CDH13: variants seen among roughly 807,000 people sequenced by gnomAD.
The protein encoded by CDH13 is cadherin 13.
In CDH13, 24 loss-of-function variants were observed where a neutral mutation model predicts 63.8. The ratio of observed to expected loss-of-function variants is 0.38; its 90% CI spans 0.27 to 0.53. CDH13 has a LOEUF of 0.53. Among genes scored for constraint, CDH13 ranks in the 20% least tolerant of loss-of-function variants. CDH13 has a pLI of 0.85. For missense variants in CDH13, 1,049 were observed against 903.1 expected, an observed-to-expected ratio of 1.16 and a Z score of -2.07; for synonymous variants, 503 against 355.3, an observed-to-expected ratio of 1.42 and a Z score of -4.67.
chr16:82,979,310 G>C (rs1909947875), intron 2 of CDH13, among the ~76,000 whole-genome samples: 1 of 152,192 alleles, frequency 6.6e-6, no homozygotes, highest in Non-Finnish European at 1.5e-5. Flanking sequence ...GGACTGTTGG[G>C]AGGGCAGAAT....
chr16:82,977,474 G>C (rs1909676079), intron 2 of CDH13, among the ~76,000 whole-genome samples: 1 of 152,186 alleles, frequency 6.6e-6, no homozygotes, highest in African/African-American at 2.4e-5. Flanking sequence ...AATTATGAGT[G>C]AGTTCTCACG....
chr16:82,978,952 G>A (rs968903885), intron 2 of CDH13, among the ~76,000 whole-genome samples: 2 of 152,180 alleles, frequency 1.3e-5, no homozygotes, highest in African/African-American at 4.8e-5. Context: ...CCGGGAGGGG[G>A]GTTGTACCCT....
At chr16:82,898,832 G>A (rs999444956) in intron 2 of CDH13, among the ~76,000 whole-genome samples, 10 of 151,994 alleles carry the variant, frequency 6.6e-5, no homozygotes, top group Admixed American at 2.6e-4. Context: ...CTCAAGTTGG[G>A]TTTTCTAGGA....
chr16:83,546,152 T>TA (rs1320190568), intron 7 of CDH13, among the ~76,000 whole-genome samples: 1 of 152,182 alleles, frequency 6.6e-6, no homozygotes, highest in Non-Finnish European at 1.5e-5. Flanking sequence ...AGGTTTGGGC[T>TA]AAAACCTGCA....
At chr16:83,554,078 A>G (rs1486599946) in intron 7 of CDH13, among the ~76,000 whole-genome samples, 1 of 152,236 alleles carries the variant, frequency 6.6e-6, no homozygotes, top group Non-Finnish European at 1.5e-5. Context: ...TGATCATTTT[A>G]GGAGGTTATA....
At chr16:83,648,625 C>T (rs1912065854) in intron 8 of CDH13, among the ~76,000 whole-genome samples, 1 of 152,182 alleles carries the variant, frequency 6.6e-6, no homozygotes, top group Non-Finnish European at 1.5e-5. Context: ...TTTCTACTGA[C>T]ACCGACCCCC....
chr16:83,131,786 C>T (rs190978847), intron 4 of CDH13, among the ~76,000 whole-genome samples: 4 of 152,228 alleles, frequency 2.6e-5, no homozygotes, highest in Admixed American at 2.6e-4. Flanking sequence ...TTTAAAGACC[C>T]TATAAATTGG....
chr16:82,718,277 C>G (rs749974261), intron 1 of CDH13, among the ~76,000 whole-genome samples: 1 of 152,212 alleles, frequency 6.6e-6, no homozygotes, highest in South Asian at 2.1e-4. Context: ...TCTACCAACT[C>G]CCCTTCTATT....
chr16:83,757,179 TCAAAAA>T (rs1222778890), intron 11 of CDH13, among the ~76,000 whole-genome samples: 8 of 152,076 alleles, frequency 5.3e-5, no homozygotes, highest in African/African-American at 1.9e-4. Context: ...TAACTCATAA[TCAAAAA>T]CAAAAATAGA....
intron 5 of CDH13, among the ~76,000 whole-genome samples, chr16:83,266,913 C>T (rs910013569): frequency 2.0e-5 from 3 of 152,202 alleles, no homozygotes; most frequent in African/African-American, 7.2e-5. Flanking sequence ...GTTACCTCTA[C>T]CTCTCAGCTG....
At chr16:83,382,712 G>A (rs2091592487) in intron 6 of CDH13, among the ~76,000 whole-genome samples, 1 of 152,142 alleles carries the variant, frequency 6.6e-6, no homozygotes. Context: ...TTCTGCAACA[G>A]TGAGAAATCT....
chr16:83,093,179 C>G (rs890885944), intron 3 of CDH13, among the ~76,000 whole-genome samples: 1 of 152,000 alleles, frequency 6.6e-6, no homozygotes, highest in African/African-American at 2.4e-5. Flanking sequence ...TCTTCATTCC[C>G]TACTCAGTTT....
At chr16:82,703,206 T>TACACAC (rs34528218) in intron 1 of CDH13, among the ~76,000 whole-genome samples, 2 of 149,418 alleles carry the variant, frequency 1.3e-5, no homozygotes, top group Admixed American at 6.7e-5. Context: ...GGATGTATAC[T>TACACAC]ACACACACAC....
intron 5 of CDH13, among the ~76,000 whole-genome samples, chr16:83,246,722 G>C (rs75341458): frequency 6.6e-6 from 1 of 152,146 alleles, no homozygotes; most frequent in African/African-American, 2.4e-5. Flanking sequence ...CTCTTCGCCG[G>C]TGTTGCTGCC....
In CDH13 at chr16:83,047,720, C is replaced by T. The variant is rs1167348992; in HGVS notation, c.366+15502C>T. On this transcript the variant is annotated intron_variant, in intron 3 of 13. Transcript: ENST00000567109. This position sits in a 1 kb window ranked among gnomAD's most constrained non-coding sequence, Gnocchi z 4.9. The stretch of plus-strand genomic sequence containing the variant: ...TAATTTCTTAATGACTTAGCAAATG[C>T]TGGAGACAGAATGAATATTGATATT... Among the ~76,000 whole-genome samples the T allele has an allele frequency of 6.6e-6, 1 of 152,142 alleles. No homozygotes were observed. The highest frequency in any genetic ancestry group is 1.5e-5 in the Non-Finnish European group (1 of 68,022).
intron 5 of CDH13, among the ~76,000 whole-genome samples, chr16:83,223,100 A>G (rs1395685666): frequency 6.6e-6 from 1 of 152,026 alleles, no homozygotes; most frequent in East Asian, 1.9e-4. Context: ...GAGAAGTGTC[A>G]TAGTCCATTT....
At chr16:83,680,326 C>T (rs1915303508) in intron 10 of CDH13, among the ~76,000 whole-genome samples, 1 of 152,138 alleles carries the variant, frequency 6.6e-6, no homozygotes, top group African/African-American at 2.4e-5. Flanking sequence ...TAGTGATCAA[C>T]CGGGATGATG....
At chr16:82,763,487 A>G (rs2034932874) in intron 1 of CDH13, among the ~76,000 whole-genome samples, 1 of 152,232 alleles carries the variant, frequency 6.6e-6, no homozygotes, top group South Asian at 2.1e-4. Context: ...AATGAAAGAA[A>G]AAATGAAAAG....
chr16:82,728,318 T>C (rs2033210175), intron 1 of CDH13, among the ~76,000 whole-genome samples: 1 of 152,128 alleles, frequency 6.6e-6, no homozygotes, highest in South Asian at 2.1e-4. Flanking sequence ...AGTTTACCCT[T>C]ATGGGCTTGT....
Sources: gnomAD v4.1 joint callset for allele counts (sites outside exome capture counted in the v4.1 genomes callset) on GRCh38, gnomAD v4.1.1 for gene constraint, Gnocchi (gnomAD v3.1) non-coding constraint, MANE v1.5 for transcripts, NCBI Gene and HGNC (gene_info 2026-07-23, HGNC 2026-07-21) for gene names.